Variants in FRY observed in about 807,000 individuals in gnomAD.
The protein encoded by FRY is protein furry homolog.
A neutral mutation model predicts 348.4 loss-of-function variants in FRY; 128 were observed. The observed-to-expected ratio is 0.37, with a 90% CI of 0.32 to 0.43. FRY has a LOEUF of 0.43. FRY is among the 20% of genes least tolerant of loss of function. The probability of loss-of-function intolerance (pLI) is 1.00; values close to 1 mark genes in which losing one functional copy is unlikely to be tolerated. For missense variants in FRY, 2,736 were observed against 3,695.2 expected (o/e 0.74, Z 6.73); for synonymous variants, 1,370 against 1,374.7 (o/e 1.00, Z 0.08).
chr13:32,092,661 C>T (rs531530091), intron 2 of FRY, among the ~76,000 whole-genome samples: 1 of 152,232 alleles, frequency 6.6e-6, no homozygotes, highest in East Asian at 1.9e-4. Context: ...ATTCCCCTTG[C>T]GTGGGTTGGG....
At chr13:32,223,663 A>G (rs1407562796) in intron 36 of FRY, among the ~76,000 whole-genome samples, 1 of 152,164 alleles carries the variant, frequency 6.6e-6, no homozygotes, top group African/African-American at 2.4e-5. Context: ...GCACATGCCT[A>G]TAGTCCTAGC....
chr13:32,158,811 G>A (rs577500673), intron 16 of FRY, among the ~76,000 whole-genome samples: 11 of 151,928 alleles, frequency 7.2e-5, no homozygotes, highest in African/African-American at 4.8e-5. Context: ...CCAGCTACTC[G>A]GGAGGCTGAG....
chr13:32,273,229 T>TC (rs1888295491), intron 55 of FRY, among the ~76,000 whole-genome samples: 2 of 149,450 alleles, frequency 1.3e-5, no homozygotes, highest in East Asian at 2.0e-4. Context: ...GTTCTTTTTT[T>TC]TTTTTTTTTT....
chr13:32,031,999 C>CTCTTTCTTTCTTTCTT lies in FRY; in HGVS notation c.70+144_70+159dup, dbSNP rs11272632. Reference sequence around the variant, plus strand: ...TTCTTTTTTTCTTTTCTTTTCTTTTCTCTTTCTTTCTTTCTTTCTTTCTTT... The same window carrying CTCTTTCTTTCTTTCTT: ...TTCTTTTTTTCTTTTCTTTTCTTTTCTCTTTCTTTCTTTCTTTCTTTCTTTCTTTCTTTCTTTCTTT... On this transcript the variant is annotated intron_variant, in intron 1 of 60. Coordinates refer to ENST00000542859, the MANE Select transcript of FRY (RefSeq NM_023037.3). The CTCTTTCTTTCTTTCTT allele has an allele frequency of 4.6e-3, 2,869 of 618,180 alleles. 14 individuals are homozygous for CTCTTTCTTTCTTTCTT. Among genetic ancestry groups the CTCTTTCTTTCTTTCTT allele is most frequent in the Middle Eastern group, 0.013 (30 of 2,282 alleles). The allele number at this position is 618,180 out of a possible 1,614,324, so 38.3% of individuals were successfully genotyped here.
At chr13:32,281,182 G>A (rs2138619906) in intron 58 of FRY, among the ~76,000 whole-genome samples, 1 of 152,284 alleles carries the variant, frequency 6.6e-6, no homozygotes, top group Admixed American at 6.5e-5. Context: ...ATAAAGGCTT[G>A]AGAGTACAAA....
chr13:32,216,572 G>A (rs1475159300), intron 35 of FRY, among the ~76,000 whole-genome samples: 6 of 152,156 alleles, frequency 3.9e-5, no homozygotes, highest in Non-Finnish European at 8.8e-5. Context: ...GTGCTGTGGC[G>A]CTCTCCACCC....
intron 17 of FRY, among the ~76,000 whole-genome samples, chr13:32,161,548 G>A (rs1317679744): frequency 6.6e-6 from 1 of 152,176 alleles, no homozygotes; most frequent in African/African-American, 2.4e-5. Context: ...ACTATGGACT[G>A]GGGAAGGCAA....
At chr13:32,210,289 C>G (rs1884611702) in intron 33 of FRY, among the ~76,000 whole-genome samples, 2 of 152,198 alleles carry the variant, frequency 1.3e-5, no homozygotes, top group South Asian at 4.1e-4. Flanking sequence ...ATTGGCATTT[C>G]TGTGCTGGTT....
At chr13:32,061,502 A>G (rs1436923709) in intron 1 of FRY, among the ~76,000 whole-genome samples, 1 of 152,224 alleles carries the variant, frequency 6.6e-6, no homozygotes, top group Admixed American at 6.5e-5. Flanking sequence ...AACAGCTAGT[A>G]TATATTTGAA....
intron 13 of FRY, among the ~76,000 whole-genome samples, chr13:32,149,183 T>TTA (rs1880645969): frequency 6.7e-6 from 1 of 149,088 alleles, no homozygotes. Context: ...TTAACTATTG[T>TTA]TATATATATA....
intron 1 of FRY, among the ~76,000 whole-genome samples, chr13:32,048,058 C>T (rs1873123658): frequency 6.6e-6 from 1 of 152,170 alleles, no homozygotes; most frequent in Non-Finnish European, 1.5e-5. Context: ...AACTGCTTTA[C>T]CTGTCTGGGT....
chr13:32,247,499 G>C lies in FRY; in HGVS notation c.7005G>C (p.Ser2335=). Residue 2335 remains serine, a synonymous_variant, in exon 48 of 61, where the codon TCG becomes TCC. Transcript: ENST00000542859. ...CCCTGGACTTCCACTTCGATATTTCGGAGGTACTTAGCTATGTTAACTATT... is the reference window on the plus strand; with the variant it reads ...CCCTGGACTTCCACTTCGATATTTCCGAGGTACTTAGCTATGTTAACTATT... ...GKTLDFHFDI[S]ETPIIGRRYD... is the part of the protein sequence containing the mutation. 6.2e-7 allele frequency: 1 copy of C among 1,609,680 alleles called. No homozygotes were observed. The highest frequency in any genetic ancestry group is 8.5e-7 in the Non-Finnish European group (1 of 1,176,006).
At chr13:32,205,202 C>CCAAA (rs1555264819) in intron 31 of FRY, among the ~76,000 whole-genome samples, 1 of 77,862 alleles carries the variant, frequency 1.3e-5, no homozygotes, top group African/African-American at 5.0e-5. Context: ...GACTCTGTCT[C>CCAAA]AAAAAAAAAA....
At chr13:32,128,775 T>C (rs1593645536) in intron 7 of FRY, among the ~76,000 whole-genome samples, 1 of 152,076 alleles carries the variant, frequency 6.6e-6, no homozygotes. Context: ...TTGTTATTGT[T>C]ATTCTGAGTC....
chr13:32,124,286 C>A lies in FRY; in HGVS notation c.465C>A (p.Ser155Arg). 1.3e-6 allele frequency: 2 copies of A among 1,559,852 alleles called. No homozygotes were observed. Among genetic ancestry groups the A allele is most frequent in the South Asian group, 1.1e-5 (1 of 89,884 alleles). The change falls in exon 5 of 61, where the codon AGC becomes AGA. Residue 155 changes from serine to arginine, a missense_variant and splice_region_variant. Coordinates refer to ENST00000542859, the MANE Select transcript of FRY (RefSeq NM_023037.3). ...AATGTAAATATTTTAAATTTTACAG[C>A]GATGAACAACAGCGAGATTATTTAA... ...YRPRTSNKSK[S>R]DEQQRDYLME...
intron 1 of FRY, among the ~76,000 whole-genome samples, chr13:32,035,816 AC>A (rs1199233845): frequency 6.6e-6 from 1 of 152,220 alleles, no homozygotes; most frequent in African/African-American, 2.4e-5. Context: ...GGGGAACTGA[AC>A]AATCTCTTTG....
At chr13:32,065,735 G>T (rs546601659) in intron 1 of FRY, among the ~76,000 whole-genome samples, 13 of 152,200 alleles carry the variant, frequency 8.5e-5, no homozygotes, top group African/African-American at 2.4e-4. Context: ...CAGTAGCTAA[G>T]ACTGCAGATG....
intron 37 of FRY, among the ~76,000 whole-genome samples, 199 bp from the exon 38 acceptor site, chr13:32,224,734 A>T (rs1281862640): frequency 6.6e-6 from 1 of 152,094 alleles, no homozygotes; most frequent in Non-Finnish European, 1.5e-5. Flanking sequence ...ACTCTCCTTT[A>T]TGTGATTAGC....
rs149663039 is a variant in FRY at position 32,220,146 on chromosome 13, A to T, written c.4765+1315A>T. The stretch of plus-strand genomic sequence containing the variant: ...GAAATTGTAAATATACTGACATTTC[A>T]TGAGTTAAGTTCATTTCGTAAGTTG... On this transcript the variant is annotated intron_variant, in intron 36 of 60. Coordinates refer to ENST00000542859, the MANE Select transcript of FRY (RefSeq NM_023037.3). 8.5e-5 allele frequency among the ~76,000 whole-genome samples: 13 copies of T among 152,320 alleles called. No homozygotes were observed. The East Asian group carries it at 2.5e-3, about 29-fold the overall frequency.
Sources: gnomAD v4.1 joint callset for allele counts (sites outside exome capture counted in the v4.1 genomes callset) on GRCh38, gnomAD v4.1.1 for gene constraint, MANE v1.5 for transcripts, NCBI Gene and HGNC (gene_info 2026-07-23, HGNC 2026-07-21) for gene names.